CNTNAP5: variants seen among roughly 807,000 people sequenced by gnomAD.
The protein encoded by CNTNAP5 is contactin-associated protein-like 5.
In CNTNAP5, 72 loss-of-function variants were observed where a neutral mutation model predicts 150.2. The observed-to-expected ratio is 0.48, with a 90% CI of 0.40 to 0.58. The LOEUF is 0.58. CNTNAP5 is among the 20% of genes least tolerant of loss of function. The pLI, the probability that CNTNAP5 is intolerant of heterozygous loss-of-function variation, is 0.00. For missense variants in CNTNAP5, 1,636 were observed against 1,626.2 expected (o/e 1.01, Z -0.10); for synonymous variants, 672 against 619.8 (o/e 1.08, Z -1.25).
At chr2:124,592,476 A>C (rs1035429999) in intron 11 of CNTNAP5, among the ~76,000 whole-genome samples, 1 of 151,830 alleles carries the variant, frequency 6.6e-6, no homozygotes, top group South Asian at 2.1e-4. Flanking sequence ...ATGAGTGACC[A>C]CTCATAGAAA....
At chr2:124,624,521 A>G (rs1677679888) in intron 12 of CNTNAP5, among the ~76,000 whole-genome samples, 1 of 152,164 alleles carries the variant, frequency 6.6e-6, no homozygotes, top group African/African-American at 2.4e-5. Flanking sequence ...TTACTTACAC[A>G]TTATTCATTA....
chr2:124,222,667 G>A (rs1357200358), intron 2 of CNTNAP5, among the ~76,000 whole-genome samples: 1 of 150,178 alleles, frequency 6.7e-6, no homozygotes, highest in East Asian at 1.9e-4. Context: ...GGTTACATTA[G>A]CAGGTTTTTG....
chr2:124,485,467 A>G (rs1025003781), intron 7 of CNTNAP5, among the ~76,000 whole-genome samples: 2 of 151,528 alleles, frequency 1.3e-5, no homozygotes, highest in African/African-American at 4.8e-5. Context: ...CAAAAAATTA[A>G]CCAGGCGTGG....
intron 1 of CNTNAP5, among the ~76,000 whole-genome samples, chr2:124,079,875 A>G (rs1171862427): frequency 2.0e-5 from 3 of 152,194 alleles, no homozygotes; most frequent in Non-Finnish European, 4.4e-5. Context: ...ACTCCACCAC[A>G]TACTAGCCAG....
At chr2:124,816,988 G>A (rs1392345676) in intron 19 of CNTNAP5, among the ~76,000 whole-genome samples, 3 of 151,972 alleles carry the variant, frequency 2.0e-5, no homozygotes, top group Admixed American at 6.6e-5. Context: ...TTCTATGTGG[G>A]GTGTAAACAT....
intron 13 of CNTNAP5, among the ~76,000 whole-genome samples, chr2:124,670,807 A>G (rs1336507346): frequency 3.9e-5 from 6 of 152,012 alleles, no homozygotes; most frequent in African/African-American, 1.4e-4. Context: ...AGCAAGCTTT[A>G]TTTCTGTTCA....
intron 1 of CNTNAP5, among the ~76,000 whole-genome samples, chr2:124,069,607 C>A (rs949197125): frequency 1.3e-5 from 2 of 152,108 alleles, no homozygotes; most frequent in African/African-American, 4.8e-5. Flanking sequence ...GGAGTGCATG[C>A]ATCACCCTAC....
intron 19 of CNTNAP5, 127 bp downstream of exon 19, chr2:124,798,447 C>T: frequency 1.5e-6 from 1 of 651,080 alleles, no homozygotes; most frequent in South Asian, 1.9e-5. Context: ...TTCCAGACTT[C>T]CAGCCAAATC....
intron 3 of CNTNAP5, among the ~76,000 whole-genome samples, chr2:124,305,437 T>G (rs2104650823): frequency 6.6e-6 from 1 of 152,328 alleles, no homozygotes; most frequent in South Asian, 2.1e-4. Context: ...TATAAGTTAT[T>G]AGTTTGACAT....
chr2:124,705,217 TA>T (rs1679609062), intron 13 of CNTNAP5, among the ~76,000 whole-genome samples: 1 of 152,190 alleles, frequency 6.6e-6, no homozygotes, highest in African/African-American at 2.4e-5. Context: ...GAGGGCAAAT[TA>T]CATTTGCTGT....
chr2:124,446,694 T>C (rs1692824856), intron 5 of CNTNAP5, 59 bp from the exon 6 acceptor site: 19 of 1,527,400 alleles, frequency 1.2e-5, no homozygotes, highest in Non-Finnish European at 1.7e-5. Context: ...TGGAGCATTC[T>C]GGTGTGCAAA....
intron 3 of CNTNAP5, among the ~76,000 whole-genome samples, chr2:124,327,328 A>G (rs1179424465): frequency 6.6e-6 from 1 of 152,182 alleles, no homozygotes; most frequent in South Asian, 2.1e-4. Context: ...GAAAAGAAAC[A>G]AGCATTATAC....
chr2:124,500,288 G>A (rs1342089191), intron 7 of CNTNAP5, among the ~76,000 whole-genome samples: 1 of 152,114 alleles, frequency 6.6e-6, no homozygotes, highest in East Asian at 1.9e-4. Context: ...CTAGAGAAGT[G>A]TTGAAAAAAC....
At chr2:124,705,769 TA>T (rs564061672) in intron 13 of CNTNAP5, among the ~76,000 whole-genome samples, 2,815 of 133,658 alleles carry the variant, frequency 0.021, 50 homozygotes, top group African/African-American at 0.052. Context: ...ATAGGAAAAG[TA>T]AAAAAAAAAA....
chr2:124,175,435 T>A (rs1384423926), intron 1 of CNTNAP5, among the ~76,000 whole-genome samples: 1 of 152,204 alleles, frequency 6.6e-6, no homozygotes, highest in East Asian at 1.9e-4. Flanking sequence ...TCCTGTGATC[T>A]TTTTTATAAT....
At chr2:124,080,375 G>T (rs934455363) in intron 1 of CNTNAP5, among the ~76,000 whole-genome samples, 1 of 152,136 alleles carries the variant, frequency 6.6e-6, no homozygotes, top group Non-Finnish European at 1.5e-5. Flanking sequence ...AAATAGTCTT[G>T]CAGTCTAAAC....
intron 3 of CNTNAP5, among the ~76,000 whole-genome samples, chr2:124,359,533 T>G (rs992373212): frequency 7.3e-5 from 11 of 149,860 alleles, no homozygotes; most frequent in East Asian, 5.9e-4. Flanking sequence ...TCAAAGAACA[T>G]CTTTATTTCT....
At chr2:124,860,121 G>A (rs1469646782) in intron 19 of CNTNAP5, among the ~76,000 whole-genome samples, 1 of 152,028 alleles carries the variant, frequency 6.6e-6, no homozygotes, top group African/African-American at 2.4e-5. Context: ...GGAGGCCAAA[G>A]TGGGTGGATC....
chr2:124,442,646 G>A (rs2104802177), intron 5 of CNTNAP5, among the ~76,000 whole-genome samples: 1 of 152,118 alleles, frequency 6.6e-6, no homozygotes, highest in Non-Finnish European at 1.5e-5. Context: ...TACAAATCCA[G>A]AAGCTATAAA....
Sources: gnomAD v4.1 joint callset for allele counts (sites outside exome capture counted in the v4.1 genomes callset) on GRCh38, gnomAD v4.1.1 for gene constraint, MANE v1.5 for transcripts, NCBI Gene and HGNC (gene_info 2026-07-23, HGNC 2026-07-21) for gene names.